Variants in NDUFA9 observed in about 807,000 individuals in gnomAD.
NDUFA9 encodes the protein NADH:ubiquinone oxidoreductase subunit A9.
In NDUFA9, 23 loss-of-function variants were observed where a neutral mutation model predicts 45.9. That is an observed-to-expected ratio of 0.50 (90% confidence interval 0.36 to 0.71). The LOEUF is 0.71. Ranked by LOEUF, NDUFA9 falls within the 30% of genes least tolerant of loss-of-function variation. The pLI is 0.00. For synonymous variants in NDUFA9, 176 were observed against 170.5 expected (o/e 1.03, Z -0.25); for missense variants, 466 against 488.2 (o/e 0.95, Z 0.43).
intron 2 of NDUFA9, 60 bp from the exon 3 acceptor site, chr12:4,654,764 AT>A: frequency 7.9e-7 from 1 of 1,266,272 alleles, no homozygotes; most frequent in Non-Finnish European, 1.1e-6. Context: ...CCAAGTCACA[AT>A]TGTATAATAT....
At position 4,675,352 on chromosome 12, in the gene NDUFA9, C is replaced by T. The variant is rs113154355; in HGVS notation, c.800+5535C>T. On this transcript the variant is annotated intron_variant, in intron 8 of 10. Transcript: ENST00000266544. ...CGAAGGAGATAGAGACAGGAAAAAC[C>T]CTTCAAAAAATCAATGAATCCAGGA... Among the ~76,000 whole-genome samples, 910 of 151,988 alleles carry T rather than the reference C, an allele frequency of 6.0e-3. 12 individuals carry two copies. Among genetic ancestry groups the T allele is most frequent in the African/African-American group, 0.021 (872 of 41,434 alleles).
At chr12:4,653,524 G>C (rs370427285) in intron 1 of NDUFA9, 6 of 405,482 alleles carry the variant, frequency 1.5e-5, no homozygotes, top group African/African-American at 4.2e-5. Flanking sequence ...AACTTTGAGG[G>C]TTCATTCTAG....
At chr12:4,669,511 G>C (rs753618801) in intron 7 of NDUFA9, among the ~76,000 whole-genome samples, 1 of 152,190 alleles carries the variant, frequency 6.6e-6, no homozygotes, top group Non-Finnish European at 1.5e-5. Flanking sequence ...CTTGGATAGC[G>C]GTGATTATTT....
rs150945569 is a variant in NDUFA9 at position 4,654,393 on chromosome 12, G to A, written c.151G>A (p.Val51Ile). 2.9e-5 allele frequency: 47 copies of A among 1,614,034 alleles called. No individual in the cohort carries two copies. In the African/African-American group the frequency reaches 5.5e-4, roughly 19 times the overall value. Reference sequence around the variant, plus strand: ...TCATGGGAAAGGTGGACGTTCCTCAGTCAGTGGGATTGTGGCCACTGTGTT... The same window carrying A: ...TCATGGGAAAGGTGGACGTTCCTCAATCAGTGGGATTGTGGCCACTGTGTT... ...MPHGKGGRSS[V>I]SGIVATVFGA... is the part of the protein sequence containing the mutation. Residue 51 changes from valine to isoleucine, a missense_variant, in exon 2 of 11, where the codon GTC (valine) becomes ATC (isoleucine). Val to Ile is a conservative substitution (Grantham distance 29, BLOSUM62 3). Coordinates refer to ENST00000266544, the MANE Select transcript of NDUFA9 (RefSeq NM_005002.5).
chr12:4,662,196 G>T (rs1231878780), intron 5 of NDUFA9, among the ~76,000 whole-genome samples: 1 of 152,124 alleles, frequency 6.6e-6, no homozygotes, highest in African/African-American at 2.4e-5. Flanking sequence ...TTTCTAACAG[G>T]CTGCTAGATG....
At chr12:4,671,869 A>T (rs1467276270) in intron 8 of NDUFA9, among the ~76,000 whole-genome samples, 2 of 151,960 alleles carry the variant, frequency 1.3e-5, no homozygotes, top group East Asian at 3.9e-4. Context: ...ATGAACTTCG[A>T]CTCCTACCTT....
chr12:4,655,212 T>C (rs949595266), intron 3 of NDUFA9: 5 of 308,594 alleles, frequency 1.6e-5, no homozygotes, highest in Non-Finnish European at 3.0e-5. Context: ...TAACTGGAAG[T>C]AGCCATAGAC....
At chr12:4,652,557 T>C (rs556363420) in intron 1 of NDUFA9, among the ~76,000 whole-genome samples, 3 of 152,314 alleles carry the variant, frequency 2.0e-5, no homozygotes, top group Admixed American at 6.5e-5. Context: ...TTTCAGCATT[T>C]GGTAAAGTTA....
chr12:4,673,014 A>T (rs1307248832), intron 8 of NDUFA9, among the ~76,000 whole-genome samples: 1 of 152,180 alleles, frequency 6.6e-6, no homozygotes, highest in Non-Finnish European at 1.5e-5. Context: ...CCCCTCTGGG[A>T]CGAAGCTTCC....
intron 8 of NDUFA9, among the ~76,000 whole-genome samples, chr12:4,675,972 A>T (rs962884120): frequency 2.0e-5 from 3 of 152,198 alleles, no homozygotes; most frequent in African/African-American, 7.2e-5. Flanking sequence ...ATCCGGGGAT[A>T]AAAGGCTGGT....
At chr12:4,658,987 A>C in intron 4 of NDUFA9, 49 bp from the exon 5 acceptor site, 2 of 1,545,838 alleles carry the variant, frequency 1.3e-6, no homozygotes, top group Non-Finnish European at 1.8e-6. Context: ...AAGCTTTGAG[A>C]TCCTGTGTGT....
intron 8 of NDUFA9, among the ~76,000 whole-genome samples, chr12:4,673,572 A>G (rs1945900616): frequency 1.3e-5 from 2 of 152,140 alleles, no homozygotes; most frequent in African/African-American, 4.8e-5. Flanking sequence ...GGAAGAAAGC[A>G]TATCAGAGAT....
chr12:4,691,868 G>T lies in NDUFA9; in HGVS notation c.*4760G>T, dbSNP rs1239309903. The T allele has an allele frequency of 1.3e-5, 2 of 151,992 alleles. No individual in the cohort carries two copies. The highest frequency in any genetic ancestry group is 1.3e-4 in the Admixed American group (2 of 15,266). The allele number at this position is 151,992 out of a possible 1,614,324, so 9.4% of individuals were successfully genotyped here. On this transcript the variant is annotated 3_prime_UTR_variant, in exon 11 of 11. Coordinates refer to ENST00000266544, the MANE Select transcript of NDUFA9 (RefSeq NM_005002.5). ...TGCTGATTGGCTTTATCCAAAGGAA[G>T]AGTAAACATCTCATCCTTATGACAG... is the stretch of plus-strand genomic sequence containing the variant.
chr12:4,655,455 T>G (rs956672155), intron 3 of NDUFA9: 4 of 152,262 alleles, frequency 2.6e-5, no homozygotes, highest in African/African-American at 9.6e-5. Context: ...AGACTCAGTA[T>G]GAAGAAAACA....
chr12:4,678,340 C>T (rs1054701288), intron 8 of NDUFA9, among the ~76,000 whole-genome samples: 1 of 151,598 alleles, frequency 6.6e-6, no homozygotes, highest in Non-Finnish European at 1.5e-5. Flanking sequence ...AGTTATAAAA[C>T]TATAATAATT....
intron 1 of NDUFA9, 29 bp downstream of exon 1, chr12:4,649,204 G>A: frequency 6.3e-7 from 1 of 1,593,198 alleles, no homozygotes; most frequent in Non-Finnish European, 8.5e-7. Flanking sequence ...GGCGGCCCCT[G>A]GTCGGGATTC....
rs1353542294 is a variant in NDUFA9, at chr12:4,688,067, T to A, written c.*959T>A. 1 of 152,248 alleles carries A rather than the reference T, an allele frequency of 6.6e-6. No individual in the cohort carries two copies. Among genetic ancestry groups the A allele is most frequent in the Non-Finnish European group, 1.5e-5 (1 of 68,086 alleles). The allele number at this position is 152,248 out of a possible 1,614,324, so 9.4% of individuals were successfully genotyped here. A position where few individuals can be genotyped will look rare whatever the true frequency, so the allele number is the denominator to read the frequency against. On this transcript the variant is annotated 3_prime_UTR_variant, in exon 11 of 11. Transcript: ENST00000266544. ...AGGTATATCAGTGTTGAAGGTAAGT[T>A]CTCCACCTGCCCTTTCTGCCTGCAT...
intron 8 of NDUFA9, among the ~76,000 whole-genome samples, chr12:4,679,326 T>G (rs768103432): frequency 6.6e-6 from 1 of 152,330 alleles, no homozygotes; most frequent in South Asian, 2.1e-4. Flanking sequence ...ATGGTAATGA[T>G]TGTACAACTT....
In NDUFA9 at chr12:4,657,802, G is replaced by T. The variant is rs145822945; in HGVS notation, c.373G>T (p.Val125Leu). ...SIRRVVQHSN[V>L]VINLIGRDWE... Reference sequence around the variant, plus strand: ...CCGACGAGTAGTACAACACAGCAATGTGGTCATCAATCTTATTGGACGAGA... The same window carrying T: ...CCGACGAGTAGTACAACACAGCAATTTGGTCATCAATCTTATTGGACGAGA... Residue 125 changes from valine to leucine, a missense_variant, in exon 4 of 11, where the codon GTG becomes TTG. Val to Leu is a conservative substitution (Grantham distance 32). Coordinates refer to ENST00000266544, the MANE Select transcript of NDUFA9 (RefSeq NM_005002.5). 6.2e-7 allele frequency: 1 copy of T among 1,613,644 alleles called. No homozygotes were observed. The highest frequency in any genetic ancestry group is 1.3e-5 in the African/African-American group (1 of 74,914).
Sources: gnomAD v4.1 joint callset for allele counts (sites outside exome capture counted in the v4.1 genomes callset) on GRCh38, gnomAD v4.1.1 for gene constraint, MANE v1.5 for transcripts, NCBI Gene and HGNC (gene_info 2026-07-23, HGNC 2026-07-21) for gene names.